Variants in ENOX2 observed in about 807,000 individuals in gnomAD.
The protein encoded by ENOX2 is APK1 antigen.
In ENOX2, 36 loss-of-function variants were observed where a neutral mutation model predicts 45.0. The ratio of observed to expected loss-of-function variants is 0.80; its 90% CI spans 0.61 to 1.06. The LOEUF (loss-of-function observed/expected upper bound fraction) is 1.06. Ranked by LOEUF, ENOX2 falls within the 50% of genes least tolerant of loss-of-function variation. ENOX2 has a pLI of 0.00. For synonymous variants in ENOX2, 174 were observed against 152.3 expected, an observed-to-expected ratio of 1.14 and a Z score of -1.05; for missense variants, 423 against 462.5, an observed-to-expected ratio of 0.91 and a Z score of 0.78.
chrX:130,756,586 C>A (rs892412967), intron 3 of ENOX2, among the ~76,000 whole-genome samples: 4 of 112,032 alleles, frequency 3.6e-5, no homozygotes, highest in Non-Finnish European at 7.5e-5. Context: ...ACCCGAGGGG[C>A]CCTCCACTGA....
intron 2 of ENOX2, among the ~76,000 whole-genome samples, chrX:130,869,118 T>C (rs1297847059): frequency 9.0e-6 from 1 of 111,135 alleles, no homozygotes; most frequent in African/African-American, 3.3e-5. Context: ...TCTGTTTAAT[T>C]TGTACCTTGC....
At chrX:130,821,741 T>TAAAAAAAAAAAAAAAAA (rs1569505783) in intron 2 of ENOX2, among the ~76,000 whole-genome samples, 2 of 24,207 alleles carry the variant, frequency 8.3e-5, no homozygotes, top group African/African-American at 1.9e-4. Context: ...AATAAATAAA[T>TAAAAAAAAAAAAAAAAA]TAAAAAAAAA....
At chrX:130,662,137 G>C (rs115211675) in intron 9 of ENOX2, among the ~76,000 whole-genome samples, 2,512 of 111,820 alleles carry the variant, frequency 0.022, 63 homozygotes, top group African/African-American at 0.076. Flanking sequence ...AGTAAGGGGA[G>C]GGACTTCATT....
chrX:130,872,983 T>C (rs1412485310), intron 2 of ENOX2, among the ~76,000 whole-genome samples: 1 of 111,856 alleles, frequency 8.9e-6, no homozygotes, highest in East Asian at 2.8e-4. Context: ...GACATAGGCA[T>C]GGGCAAAGAC....
chrX:130,745,040 G>C (rs1035617357), intron 3 of ENOX2, among the ~76,000 whole-genome samples: 1 of 111,579 alleles, frequency 9.0e-6, no homozygotes, highest in Non-Finnish European at 1.9e-5. Context: ...CATACCCCCC[G>C]ACTCAGTCTG....
chrX:130,707,069 T>G (rs2038055643), intron 3 of ENOX2, among the ~76,000 whole-genome samples: 1 of 112,739 alleles, frequency 8.9e-6, no homozygotes, highest in Non-Finnish European at 1.9e-5. Flanking sequence ...AGTTAAGTTC[T>G]GGCCTGATCC....
intron 3 of ENOX2, among the ~76,000 whole-genome samples, chrX:130,709,574 G>A (rs1285482475): frequency 3.0e-5 from 3 of 99,675 alleles, no homozygotes; most frequent in African/African-American, 1.1e-4. Flanking sequence ...AGGGATGGAA[G>A]TTGCAGTGAG....
At chrX:130,779,084 G>A (rs1417331590) in intron 3 of ENOX2, among the ~76,000 whole-genome samples, 1 of 112,452 alleles carries the variant, frequency 8.9e-6, no homozygotes, top group Non-Finnish European at 1.9e-5. Flanking sequence ...AATCCAGATG[G>A]CTCTCAAACC....
intron 10 of ENOX2, among the ~76,000 whole-genome samples, chrX:130,654,292 T>C (rs112530586): frequency 1.4e-3 from 152 of 111,801 alleles, no homozygotes; most frequent in Non-Finnish European, 1.5e-3. Context: ...CTGGCTAATA[T>C]AGAGTCTCTC....
At chrX:130,815,990 T>A (rs1313586453) in intron 2 of ENOX2, among the ~76,000 whole-genome samples, 1 of 111,260 alleles carries the variant, frequency 9.0e-6, no homozygotes, top group African/African-American at 3.3e-5. Flanking sequence ...TGTGCTGTAA[T>A]CAGGAGACCC....
intron 14 of ENOX2, among the ~76,000 whole-genome samples, chrX:130,627,685 T>C (rs943726488): frequency 1.8e-5 from 2 of 112,094 alleles, no homozygotes; most frequent in Non-Finnish European, 3.8e-5. Context: ...GGAAAAAGGA[T>C]GGTCAACTTA....
At chrX:130,767,367 G>C (rs1199327813) in intron 3 of ENOX2, among the ~76,000 whole-genome samples, 2 of 111,653 alleles carry the variant, frequency 1.8e-5, no homozygotes, top group Non-Finnish European at 3.8e-5. Context: ...AGTATTTGTG[G>C]AATGAATGAA....
intron 10 of ENOX2, among the ~76,000 whole-genome samples, chrX:130,647,629 G>T (rs190350466): frequency 8.9e-6 from 1 of 112,359 alleles, no homozygotes; most frequent in East Asian, 2.8e-4. Flanking sequence ...TTTGATTTCA[G>T]TAGTCACATT....
At chrX:130,631,158 T>C (rs5975209) in intron 13 of ENOX2, among the ~76,000 whole-genome samples, 236 of 110,854 alleles carry the variant, frequency 2.1e-3, no homozygotes, top group African/African-American at 7.4e-3. Flanking sequence ...GGCTTATCTA[T>C]CCTTGCACAG....
intron 4 of ENOX2, among the ~76,000 whole-genome samples, chrX:130,692,195 A>G (rs1242043293): frequency 8.8e-6 from 1 of 113,328 alleles, no homozygotes; most frequent in East Asian, 2.8e-4. Flanking sequence ...AATGTCAACC[A>G]AGAAAACCAT....
intron 3 of ENOX2, among the ~76,000 whole-genome samples, chrX:130,719,153 T>C (rs953922222): frequency 9.0e-6 from 1 of 111,209 alleles, no homozygotes; most frequent in African/African-American, 3.3e-5. Context: ...ACAGCCACGT[T>C]TCCATTCTGC....
chrX:130,810,978 C>T (rs941408292), intron 2 of ENOX2, among the ~76,000 whole-genome samples: 13 of 112,080 alleles, frequency 1.2e-4, no homozygotes, highest in South Asian at 3.7e-4. Flanking sequence ...AAGGCTTCAG[C>T]GGCCTTAGGG....
intron 2 of ENOX2, among the ~76,000 whole-genome samples, chrX:130,890,644 T>A (rs1290312802): frequency 8.9e-6 from 1 of 112,901 alleles, no homozygotes; most frequent in African/African-American, 3.2e-5. Context: ...CAAAGTTTCA[T>A]GTTTTCTGAA....
At chrX:130,686,599 G>C (rs1408662390) in intron 5 of ENOX2, among the ~76,000 whole-genome samples, 1 of 111,779 alleles carries the variant, frequency 8.9e-6, no homozygotes, top group Non-Finnish European at 1.9e-5. Context: ...GGTGGGCTGA[G>C]ATGATAAAGG....
Sources: gnomAD v4.1 joint callset for allele counts (sites outside exome capture counted in the v4.1 genomes callset) on GRCh38, gnomAD v4.1.1 for gene constraint, MANE v1.5 for transcripts, NCBI Gene and HGNC (gene_info 2026-07-23, HGNC 2026-07-21) for gene names.